MYO16: variants seen among roughly 807,000 people sequenced by gnomAD.
MYO16 encodes the protein myosin XVI.
Under a neutral mutation model 205.3 loss-of-function variants are expected in MYO16, and 94 were observed. The ratio of observed to expected loss-of-function variants is 0.46; its 90% confidence interval spans 0.39 to 0.54. The LOEUF is 0.54. Ranked by LOEUF, MYO16 falls within the 20% of genes least tolerant of loss-of-function variation. MYO16 has a pLI of 0.00. For missense variants in MYO16, 2,315 were observed against 2,387.5 expected, an observed-to-expected ratio of 0.97 and a Z score of 0.63; for synonymous variants, 988 against 954.0, an observed-to-expected ratio of 1.04 and a Z score of -0.66.
intron 34 of MYO16, among the ~76,000 whole-genome samples, chr13:109,193,590 A>G (rs1234694639): frequency 1.3e-5 from 2 of 152,248 alleles, no homozygotes; most frequent in African/African-American, 4.8e-5. Flanking sequence ...AGAAATTACT[A>G]AATTAATAGT....
chr13:108,685,368 T>C (rs1566549366), intron 2 of MYO16, among the ~76,000 whole-genome samples: 1 of 152,124 alleles, frequency 6.6e-6, no homozygotes, highest in Non-Finnish European at 1.5e-5. Flanking sequence ...GGCTACAACC[T>C]GGGGCTCAGA....
At chr13:108,859,235 T>A (rs992691195) in intron 11 of MYO16, among the ~76,000 whole-genome samples, 1 of 151,746 alleles carries the variant, frequency 6.6e-6, no homozygotes, top group Non-Finnish European at 1.5e-5. Context: ...GCAAGTTCTA[T>A]AAGGAAAATA....
At chr13:108,595,881 C>CTTTTTT (rs67620613), upstream of MYO16, among the ~76,000 whole-genome samples, 3 of 108,300 alleles carry the variant, frequency 2.8e-5, no homozygotes, top group Admixed American at 2.2e-4. Context: ...AAATTAAGTC[C>CTTTTTT]TTTTTTTTTT....
intron 11 of MYO16, among the ~76,000 whole-genome samples, chr13:108,860,059 T>C (rs1197711113): frequency 2.0e-5 from 3 of 152,094 alleles, no homozygotes; most frequent in South Asian, 2.1e-4. Flanking sequence ...AGGTTTGTTA[T>C]ACAGGTAAAC....
intron 15 of MYO16, among the ~76,000 whole-genome samples, chr13:108,900,591 TATC>T (rs1228529099): frequency 6.6e-6 from 1 of 152,228 alleles, no homozygotes; most frequent in East Asian, 1.9e-4. Flanking sequence ...CATGGACACT[TATC>T]ACTTCCCCAA....
chr13:108,955,069 G>A (rs534955439), intron 16 of MYO16, among the ~76,000 whole-genome samples: 12 of 152,232 alleles, frequency 7.9e-5, no homozygotes, highest in African/African-American at 1.9e-4. Context: ...CCTAGTCATC[G>A]AAACCTCCAA....
At chr13:109,201,973 T>TACAC (rs569241579) in intron 34 of MYO16, among the ~76,000 whole-genome samples, 6 of 151,190 alleles carry the variant, frequency 4.0e-5, no homozygotes, top group Admixed American at 2.0e-4. Context: ...TATATATATG[T>TACAC]ACACACACAC....
intron 12 of MYO16, among the ~76,000 whole-genome samples, chr13:108,882,843 T>C (rs1292640366): frequency 1.3e-5 from 2 of 152,182 alleles, no homozygotes; most frequent in South Asian, 2.1e-4. Flanking sequence ...GACCAAGTAA[T>C]GAAGGATAAA....
At chr13:108,868,377 A>G (rs1377269430) in intron 12 of MYO16, among the ~76,000 whole-genome samples, 1 of 152,198 alleles carries the variant, frequency 6.6e-6, no homozygotes, top group Non-Finnish European at 1.5e-5. Context: ...TCTGACAGAC[A>G]ATGAGATTAA....
intron 15 of MYO16, among the ~76,000 whole-genome samples, chr13:108,904,300 C>G (rs558291469): frequency 6.6e-6 from 1 of 152,266 alleles, no homozygotes; most frequent in South Asian, 2.1e-4. Context: ...GCCACTCTCC[C>G]TCAGGATTGA....
chr13:109,007,591 T>C (rs1176777606), intron 21 of MYO16, among the ~76,000 whole-genome samples: 1 of 145,068 alleles, frequency 6.9e-6, no homozygotes, highest in Non-Finnish European at 1.5e-5. Context: ...TGTGTGTTGA[T>C]AGGAAAGGAA....
intron 17 of MYO16, among the ~76,000 whole-genome samples, chr13:108,959,160 G>A (rs1045943388): frequency 3.3e-5 from 5 of 152,120 alleles, no homozygotes; most frequent in Non-Finnish European, 5.9e-5. Flanking sequence ...ACTGGAACTC[G>A]AGGAGCCTGC....
At chr13:108,931,748 G>C (rs1326471927) in intron 16 of MYO16, among the ~76,000 whole-genome samples, 1 of 152,176 alleles carries the variant, frequency 6.6e-6, no homozygotes, top group South Asian at 2.1e-4. Flanking sequence ...GTACATGGGG[G>C]TGGGTGGGCT....
chr13:108,641,581 G>A (rs964701561), intron 1 of MYO16, among the ~76,000 whole-genome samples: 2 of 152,044 alleles, frequency 1.3e-5, no homozygotes, highest in African/African-American at 4.8e-5. Flanking sequence ...ATTATTGGGG[G>A]AAAAATGCCA....
rs1182247926 is a variant in MYO16, at chr13:109,140,207, G to T, written c.4052-57G>T. 3 of 1,580,326 alleles carry T rather than the reference G, an allele frequency of 1.9e-6. No individual in the cohort carries two copies. The highest frequency in any genetic ancestry group is 2.7e-5 in the African/African-American group (2 of 73,080). On this transcript the variant is annotated intron_variant, in intron 31 of 34. Coordinates refer to ENST00000457511, the MANE Select transcript of MYO16 (RefSeq NM_001198950.3). This position sits in a 1 kb window ranked among gnomAD's most constrained non-coding sequence, Gnocchi z 8.0. ...TCCCTCCGAGTCGAGCCCCGGGCTT[G>T]GTGGGCACCCGTGGGCCTGGCCTGG...
chr13:108,856,912 T>C (rs540874749), intron 11 of MYO16, among the ~76,000 whole-genome samples: 1 of 152,246 alleles, frequency 6.6e-6, no homozygotes, highest in South Asian at 2.1e-4. Flanking sequence ...ATCTCAAAAC[T>C]CCCAGTCTTG....
chr13:108,704,936 GACAAAAAAAAAA>G (rs1050658531), intron 2 of MYO16, among the ~76,000 whole-genome samples: 8 of 108,888 alleles, frequency 7.3e-5, no homozygotes, highest in African/African-American at 1.6e-4. Context: ...TAGCTAAACT[GACAAAAAAAAAA>G]ACAAAAAAAA....
intron 8 of MYO16, 68 bp downstream of exon 8, chr13:108,820,480 T>C (rs1163932095): frequency 7.7e-7 from 1 of 1,300,188 alleles, no homozygotes; most frequent in Non-Finnish European, 1.1e-6. Flanking sequence ...GGAGTAGCCA[T>C]CCATCTTCAG....
intron 9 of MYO16, among the ~76,000 whole-genome samples, chr13:108,831,833 A>G (rs533976991): frequency 6.6e-6 from 1 of 152,286 alleles, no homozygotes; most frequent in East Asian, 1.9e-4. Context: ...TTCTAAGAAT[A>G]ACAGAGCAGG....
Sources: gnomAD v4.1 joint callset for allele counts (sites outside exome capture counted in the v4.1 genomes callset) on GRCh38, gnomAD v4.1.1 for gene constraint, Gnocchi (gnomAD v3.1) non-coding constraint, MANE v1.5 for transcripts, NCBI Gene and HGNC (gene_info 2026-07-23, HGNC 2026-07-21) for gene names.